Variants in SHTN1 observed in about 807,000 individuals in gnomAD.
SHTN1 encodes shootin-1.
A neutral mutation model predicts 83.1 loss-of-function variants in SHTN1; 42 were observed. The ratio of observed to expected loss-of-function variants is 0.51; its 90% CI spans 0.39 to 0.65. The LOEUF is 0.65. Ranked by LOEUF, SHTN1 falls within the 30% of genes least tolerant of loss-of-function variation. The probability of loss-of-function intolerance (pLI) is 0.00; values close to 1 mark genes in which losing one functional copy is unlikely to be tolerated. For missense variants in SHTN1, 622 were observed against 737.8 expected, an observed-to-expected ratio of 0.84 and a Z score of 1.82; for synonymous variants, 224 against 247.7, an observed-to-expected ratio of 0.90 and a Z score of 0.90.
In SHTN1 at chr10:117,061,899, C is replaced by T. The variant is rs554101798; in HGVS notation, c.-188-13389G>A. Among the ~76,000 whole-genome samples, 24 of 152,280 alleles carry T rather than the reference C, an allele frequency of 1.6e-4. No individual in the cohort carries two copies. In the South Asian group the frequency reaches 1.9e-3, roughly 12 times the overall value. ...TGTTTTAAAATAACACTCTTACTGA[C>T]GTGTGCACAATGATTCTCTTTCTGA... On this transcript the variant is annotated intron_variant, in intron 1 of 17. Transcript: ENST00000392901.
chr10:116,957,204 C>T (rs1379207731), intron 4 of SHTN1, among the ~76,000 whole-genome samples: 1 of 94,704 alleles, frequency 1.1e-5, no homozygotes, highest in Non-Finnish European at 3.1e-5. Flanking sequence ...TAATTGCATG[C>T]TACTTGTTGT....
chr10:116,899,454 G>A (rs377316850), intron 16 of SHTN1, among the ~76,000 whole-genome samples: 2 of 151,898 alleles, frequency 1.3e-5, no homozygotes, highest in African/African-American at 4.8e-5. Flanking sequence ...AAGTGGTACT[G>A]GGACAAAAAG....
chr10:117,028,214 A>G (rs1852358233), intron 2 of SHTN1, among the ~76,000 whole-genome samples: 1 of 152,222 alleles, frequency 6.6e-6, no homozygotes, highest in Non-Finnish European at 1.5e-5. Flanking sequence ...GAAATTTCTA[A>G]GCAGAAAACT....
chr10:117,055,009 AG>A (rs1211224178), intron 1 of SHTN1, among the ~76,000 whole-genome samples: 1 of 152,222 alleles, frequency 6.6e-6, no homozygotes, highest in Non-Finnish European at 1.5e-5. Flanking sequence ...ATTGACTCAC[AG>A]TTCCACATGG....
rs1423748904 is a variant in SHTN1 at position 116,884,343 on chromosome 10, C to T, written c.*2001G>A. On this transcript the variant is annotated 3_prime_UTR_variant, in exon 17 of 17. Transcript: ENST00000355371. Reference sequence around the variant, plus strand: ...TAGGCAGAAAAAGGTGAGTGAATATCTTCCATCAAATACCTTCATGTCAAA... The same window carrying T: ...TAGGCAGAAAAAGGTGAGTGAATATTTTCCATCAAATACCTTCATGTCAAA... 1 of 438,952 alleles carries T rather than the reference C, an allele frequency of 2.3e-6. No homozygotes were observed. Among genetic ancestry groups the T allele is most frequent in the Non-Finnish European group, 4.7e-6 (1 of 213,896 alleles). The allele number at this position is 438,952 out of a possible 1,614,324, so 27.2% of individuals were successfully genotyped here.
chr10:116,966,157 G>A (rs959711306), intron 3 of SHTN1, among the ~76,000 whole-genome samples: 2 of 152,024 alleles, frequency 1.3e-5, no homozygotes, highest in Non-Finnish European at 2.9e-5. Flanking sequence ...ACAGGTGCCC[G>A]CCACCACGCC....
chr10:116,907,126 A>G (rs968537481), intron 14 of SHTN1, among the ~76,000 whole-genome samples: 1 of 152,324 alleles, frequency 6.6e-6, no homozygotes, highest in South Asian at 2.1e-4. Flanking sequence ...GGAAATCTTT[A>G]TATGGCAGCC....
chr10:117,105,062 C>A lies in SHTN1; in HGVS notation c.-189+21245G>T, dbSNP rs187252221. On this transcript the variant is annotated intron_variant, in intron 1 of 17. Transcript: ENST00000392901. Reference sequence around the variant, plus strand: ...ACCAACACTCCACAACCTTCACAGCCCAGAACCACATCCTCTGCCCAAAAA... The same window carrying A: ...ACCAACACTCCACAACCTTCACAGCACAGAACCACATCCTCTGCCCAAAAA... Among the ~76,000 whole-genome samples the A allele has an allele frequency of 1.1e-4, 17 of 152,106 alleles. No homozygotes were observed. In the East Asian group the frequency reaches 2.7e-3, roughly 24 times the overall value.
chr10:117,006,901 C>T (rs1474539033), upstream of SHTN1, among the ~76,000 whole-genome samples: 2 of 151,476 alleles, frequency 1.3e-5, no homozygotes, highest in Admixed American at 1.3e-4. Flanking sequence ...TACATGCTAA[C>T]TAAAATTTTG....
Position 116,953,628 on chromosome 10 carries a change from T to TTG in SHTN1, c.436+413_436+414insCA, listed in dbSNP as rs1466681454. Among the ~76,000 whole-genome samples, 1,159 of 139,010 alleles carry TTG rather than the reference T, an allele frequency of 8.3e-3. 15 individuals carry two copies. Among genetic ancestry groups the TTG allele is most frequent in the Middle Eastern group, 0.029 (8 of 280 alleles). The allele number at this position is 139,010 out of a possible 152,430, so 91.2% of individuals were successfully genotyped here. A position where few individuals can be genotyped will look rare whatever the true frequency, so the allele number is the denominator to read the frequency against. On this transcript the variant is annotated intron_variant, in intron 5 of 16. Coordinates refer to ENST00000355371, the MANE Select transcript of SHTN1 (RefSeq NM_001127211.3). ...AGGCATCAGTTTTGTGTTTTGTTTTTTTTTTTTTTTTTTTTTTGAGACAGA... is the reference window on the plus strand; with the variant it reads ...AGGCATCAGTTTTGTGTTTTGTTTTTTGTTTTTTTTTTTTTTTTTGAGACAGA...
At chr10:117,055,087 T>C (rs1450546026) in intron 1 of SHTN1, among the ~76,000 whole-genome samples, 1 of 152,146 alleles carries the variant, frequency 6.6e-6, no homozygotes, top group Admixed American at 6.5e-5. Context: ...ACGTCTTACA[T>C]GGCAGCAGGA....
At chr10:117,072,450 T>C (rs1267207752) in intron 1 of SHTN1, among the ~76,000 whole-genome samples, 1 of 152,066 alleles carries the variant, frequency 6.6e-6, no homozygotes, top group African/African-American at 2.4e-5. Flanking sequence ...CTGAAAGAAG[T>C]GGACTGCTCC....
chr10:117,072,639 G>GA (rs1301577367), intron 1 of SHTN1, among the ~76,000 whole-genome samples: 1 of 152,190 alleles, frequency 6.6e-6, no homozygotes. Flanking sequence ...TGGCTCTCAG[G>GA]AAGTGACATC....
At chr10:117,024,279 GGGTTGTTAGTGTTCAATATCTTGA>G (rs1046694775) in intron 2 of SHTN1, among the ~76,000 whole-genome samples, 1 of 151,942 alleles carries the variant, frequency 6.6e-6, no homozygotes, top group African/African-American at 2.4e-5. Flanking sequence ...CAATTTTCTG[GGGTTGTTAGTGTTCAATATCTTGA>G]TAGAGGTTTA....
chr10:116,964,856 C>A (rs1000416393), intron 3 of SHTN1, among the ~76,000 whole-genome samples: 1 of 152,074 alleles, frequency 6.6e-6, no homozygotes, highest in African/African-American at 2.4e-5. Context: ...ATCCCAGCTA[C>A]TTGGGAGGCT....
intron 1 of SHTN1, among the ~76,000 whole-genome samples, chr10:117,003,148 C>T (rs983882140): frequency 6.6e-6 from 1 of 151,946 alleles, no homozygotes; most frequent in Non-Finnish European, 1.5e-5. Context: ...ATAAGAAGAT[C>T]TGATATCCAC....
At chr10:117,072,700 A>G (rs1015116067) in intron 1 of SHTN1, among the ~76,000 whole-genome samples, 1 of 152,172 alleles carries the variant, frequency 6.6e-6, no homozygotes, top group African/African-American at 2.4e-5. Context: ...CATGGGACAA[A>G]GGAATCTGAA....
chr10:117,048,555 A>G, intron 1 of SHTN1: 1 of 780,024 alleles, frequency 1.3e-6, no homozygotes, highest in Non-Finnish European at 1.6e-6. Flanking sequence ...AAATACTGTA[A>G]TTACAGTGCA....
At chr10:117,082,981 CTT>C (rs1338431033) in intron 1 of SHTN1, among the ~76,000 whole-genome samples, 1 of 150,436 alleles carries the variant, frequency 6.6e-6, no homozygotes, top group African/African-American at 2.4e-5. Context: ...GGTCTTGACT[CTT>C]TATCCAATTT....
Sources: gnomAD v4.1 joint callset for allele counts (sites outside exome capture counted in the v4.1 genomes callset) on GRCh38, gnomAD v4.1.1 for gene constraint, MANE v1.5 for transcripts, NCBI Gene and HGNC (gene_info 2026-07-23, HGNC 2026-07-21) for gene names.